Variants in TJP3 observed in about 807,000 individuals in gnomAD.
TJP3 encodes the protein tight junction protein ZO-3.
A neutral mutation model predicts 104.2 loss-of-function variants in TJP3; 85 were observed. That is an observed-to-expected ratio of 0.82 (90% CI 0.68 to 0.98). The LOEUF is 0.98. Among genes scored for constraint, TJP3 ranks in the 50% least tolerant of loss-of-function variants. The pLI is 0.00. For missense variants in TJP3, 1,367 were observed against 1,322.8 expected (o/e 1.03, Z -0.52); for synonymous variants, 550 against 550.6 (o/e 1.00, Z 0.02).
chr19:3,731,558 G>A (rs555774923), intron 5 of TJP3, among the ~76,000 whole-genome samples: 67 of 152,230 alleles, frequency 4.4e-4, no homozygotes, highest in Admixed American at 1.8e-3. Flanking sequence ...GCTTAAACCC[G>A]GGAGGTAGAG....
rs1348706212 is a variant in TJP3, at chr19:3,730,700, A to G, written c.607A>G (p.Ser203Gly). ...VKSVLVKRRD[S>G]EEFGVKLGSQ... Reference sequence around the variant, plus strand: ...GTCAGTGCTGGTGAAGAGGAGAGACAGCGAAGGTCAGAAGAGGCGGGAGGT... The same window carrying G: ...GTCAGTGCTGGTGAAGAGGAGAGACGGCGAAGGTCAGAAGAGGCGGGAGGT... The change falls in exon 5 of 21, where the codon AGC becomes GGC. Residue 203 changes from serine (S) to glycine (G), a missense_variant. Transcript: ENST00000541714. The surrounding 1 kb of genome is among the most constrained non-coding windows in gnomAD (Gnocchi z 7.3). 6 of 1,606,138 alleles carry G rather than the reference A, an allele frequency of 3.7e-6. No homozygotes were observed. The East Asian group carries it at 8.9e-5, about 24-fold the overall frequency.
intron 14 of TJP3, among the ~76,000 whole-genome samples, chr19:3,743,062 G>A (rs1444892569): frequency 1.3e-4 from 20 of 151,960 alleles, no homozygotes; most frequent in Non-Finnish European, 1.8e-4. Context: ...TCAGGAGTTC[G>A]AGATCAGCTT....
At chr19:3,712,272 C>T (rs1275631532) in intron 1 of TJP3, among the ~76,000 whole-genome samples, 2 of 152,174 alleles carry the variant, frequency 1.3e-5, no homozygotes, top group African/African-American at 4.8e-5. Context: ...GCCGGGATCG[C>T]ACCACTGCAC....
intron 8 of TJP3, 115 bp from the exon 9 acceptor site, chr19:3,735,451 G>A (rs1599155932): frequency 4.8e-6 from 5 of 1,031,312 alleles, no homozygotes; most frequent in South Asian, 1.3e-5. Flanking sequence ...TGCCCACCTC[G>A]ACCTCCCAAA....
chr19:3,730,055 C>T lies in TJP3; in HGVS notation c.186C>T (p.Asn62=), dbSNP rs751459511. ...LQTGDHIVMV[N]GVSMENATSA... ...CAGGCGACCACATCGTCATGGTGAA[C>T]GGGGTTTCCATGGAGAATGCCACCT... The change falls in exon 4 of 21, where the codon AAC becomes AAT. Residue 62 remains asparagine (N), a synonymous_variant. Coordinates refer to ENST00000541714, the MANE Select transcript of TJP3 (RefSeq NM_001267560.2). This position sits in a 1 kb window ranked among gnomAD's most constrained non-coding sequence, Gnocchi z 7.3. 65 of 1,613,926 alleles carry T rather than the reference C, an allele frequency of 4.0e-5. No homozygotes were observed. Among genetic ancestry groups the T allele is most frequent in the East Asian group, 8.9e-5 (4 of 44,868 alleles).
chr19:3,736,365 C>G (rs970644066), intron 11 of TJP3, 44 bp downstream of exon 11: 1 of 1,485,060 alleles, frequency 6.7e-7, no homozygotes, highest in South Asian at 1.4e-5. Flanking sequence ...CATGGGCGTG[C>G]AGTGTGCTAG....
Position 3,734,424 on chromosome 19 carries a change from C to T in TJP3, c.975C>T (p.Thr325=), listed in dbSNP as rs772080741. The change falls in exon 8 of 21, where the codon ACC becomes ACT. Residue 325 remains threonine (T), a synonymous_variant. Transcript: ENST00000541714. The part of the protein sequence containing the change: ...HAQRSPEASQ[T]DSPVESPRLR... ...AGCGGAGCCCCGAGGCCAGCCAGACCGACTCTCCCGTGTAAGTATCACCCA... is the reference window on the plus strand; with the variant it reads ...AGCGGAGCCCCGAGGCCAGCCAGACTGACTCTCCCGTGTAAGTATCACCCA... 26 of 1,607,986 alleles carry T rather than the reference C, an allele frequency of 1.6e-5. No homozygotes were observed. Among genetic ancestry groups the T allele is most frequent in the Middle Eastern group, 3.3e-4 (2 of 6,060 alleles).
rs1227669559 is a variant in TJP3, at chr19:3,743,934, C to G, written c.1844-5C>G. On this transcript the variant is annotated splice_polypyrimidine_tract_variant and splice_region_variant and intron_variant, in intron 14 of 20. Transcript: ENST00000541714. The stretch of plus-strand genomic sequence containing the variant: ...TGATTCTTTCACTGTGTCTCTACCC[C>G]TCAGCCAGTTTCAAGCGCCCGGTAG... 3 of 1,613,912 alleles carry G rather than the reference C, an allele frequency of 1.9e-6. No individual in the cohort carries two copies. Among genetic ancestry groups the G allele is most frequent in the Non-Finnish European group, 1.7e-6 (2 of 1,179,954 alleles).
At chr19:3,715,180 C>G (rs535652449) in intron 1 of TJP3, among the ~76,000 whole-genome samples, 1 of 151,644 alleles carries the variant, frequency 6.6e-6, no homozygotes, top group Non-Finnish European at 1.5e-5. Flanking sequence ...ACCTCCGCCT[C>G]CCGGGTTCAC....
In TJP3 at chr19:3,723,588, T is replaced by C. The variant is rs550604722; in HGVS notation, c.-9-4836T>C. ...AGGTGGATCACCTGAGGTCAGCAGT[T>C]TGAGCCCAGCCTGGCCAACATGGTG... On this transcript the variant is annotated intron_variant, in intron 1 of 20. Transcript: ENST00000541714. 5.6e-3 allele frequency among the ~76,000 whole-genome samples: 846 copies of C among 151,926 alleles called. 16 individuals are homozygous for C. Among genetic ancestry groups the C allele is most frequent in the African/African-American group, 0.02 (810 of 41,432 alleles).
rs35482912 is a variant in TJP3 at position 3,736,878 on chromosome 19, CTT to C, written c.1284+575_1284+576del. ...GGCATGAGCCACTGCGCCTGGCTAA[CTT>C]TTTTTTTTTTTTTTTTTGAGATAGA... is the stretch of plus-strand genomic sequence containing the variant. On this transcript the variant is annotated intron_variant, in intron 11 of 20. Coordinates refer to ENST00000541714, the MANE Select transcript of TJP3 (RefSeq NM_001267560.2). Among the ~76,000 whole-genome samples, 855 of 111,624 alleles carry C rather than the reference CTT, an allele frequency of 7.7e-3. 8 individuals are homozygous for C. The highest frequency in any genetic ancestry group is 0.026 in the African/African-American group (734 of 28,166). 73.2% of individuals were successfully genotyped at this position (111,624 alleles called of 152,430 possible).
intron 14 of TJP3, chr19:3,743,671 G>C (rs2036850171): frequency 2.7e-6 from 1 of 365,606 alleles, no homozygotes; most frequent in Non-Finnish European, 5.0e-6. Flanking sequence ...GAAAGGGAAT[G>C]AAGGCAGGAG....
At chr19:3,732,998 GTTTTCTTTTCTC>G (rs1038084616) in intron 6 of TJP3, among the ~76,000 whole-genome samples, 4 of 150,740 alleles carry the variant, frequency 2.7e-5, no homozygotes, top group South Asian at 2.1e-4. Flanking sequence ...CTAGATGACT[GTTTTCTTTTCTC>G]TTTTCTTTTC....
intron 14 of TJP3, 129 bp downstream of exon 14, chr19:3,740,892 A>C: frequency 4.7e-6 from 4 of 855,828 alleles, no homozygotes; most frequent in Non-Finnish European, 6.4e-6. Context: ...TATAATCCCA[A>C]CACTTTGGGA....
rs991388104 is a variant in TJP3 at position 3,727,977 on chromosome 19, C to A, written c.-9-447C>A. On this transcript the variant is annotated intron_variant, in intron 1 of 20. Coordinates refer to ENST00000541714, the MANE Select transcript of TJP3 (RefSeq NM_001267560.2). ...AAACAAGGCTGGGCACAGTGACTCA[C>A]CCCTGTAATCCCAGCACTTTGGGAG... 2.6e-5 allele frequency among the ~76,000 whole-genome samples: 4 copies of A among 151,218 alleles called. No homozygotes were observed. In the East Asian group the frequency reaches 7.8e-4, roughly 30 times the overall value.
chr19:3,738,962 G>A lies in TJP3; in HGVS notation c.1459G>A (p.Glu487Lys). The A allele has an allele frequency of 6.2e-7, 1 of 1,613,236 alleles. No homozygotes were observed. Among genetic ancestry groups the A allele is most frequent in the East Asian group, 2.2e-5 (1 of 44,876 alleles). ...SFYIRTHFELEPSPPSGLGFT... is the reference protein window; with the variant it reads ...SFYIRTHFELKPSPPSGLGFT... ...CTACATCCGCACTCACTTTGAGCTG[G>A]AGCCCAGTCCACCGTCTGGCCTGGG... is the stretch of plus-strand genomic sequence containing the variant. The change falls in exon 13 of 21, where the codon GAG becomes AAG. Residue 487 changes from glutamate (E) to lysine (K), a missense_variant. By Grantham distance (56) the Glu-to-Lys change is moderately conservative. Coordinates refer to ENST00000541714, the MANE Select transcript of TJP3 (RefSeq NM_001267560.2).
At chr19:3,722,543 G>C (rs2036551432) in intron 1 of TJP3, among the ~76,000 whole-genome samples, 1 of 151,354 alleles carries the variant, frequency 6.6e-6, no homozygotes. Context: ...AGGCAGGGGT[G>C]GGGTGAGCAA....
intron 1 of TJP3, among the ~76,000 whole-genome samples, chr19:3,716,799 A>ATTT (rs1474982158): frequency 8.1e-4 from 59 of 73,044 alleles, no homozygotes; most frequent in African/African-American, 2.7e-3. Context: ...ATATATATAT[A>ATTT]TATTTTTTTT....
chr19:3,710,996 C>G (rs916198441), intron 1 of TJP3, among the ~76,000 whole-genome samples: 1 of 149,720 alleles, frequency 6.7e-6, no homozygotes, highest in Admixed American at 6.7e-5. Flanking sequence ...CTCCGCCTCC[C>G]GGGTTCACGC....
Sources: gnomAD v4.1 joint callset for allele counts (sites outside exome capture counted in the v4.1 genomes callset) on GRCh38, gnomAD v4.1.1 for gene constraint, Gnocchi (gnomAD v3.1) non-coding constraint, MANE v1.5 for transcripts, NCBI Gene and HGNC (gene_info 2026-07-23, HGNC 2026-07-21) for gene names.